Variants in PHF21B observed in about 807,000 individuals in gnomAD.
The protein encoded by PHF21B is PHD finger protein 4.
PHF21B carries 22 observed loss-of-function variants against 62.2 expected under a neutral mutation model. The observed-to-expected ratio is 0.35, with a 90% CI of 0.25 to 0.51. The LOEUF (loss-of-function observed/expected upper bound fraction) is 0.51. Ranked by LOEUF, PHF21B falls within the 20% of genes least tolerant of loss-of-function variation. The pLI is 0.97. For missense variants in PHF21B, 701 were observed against 707.9 expected (o/e 0.99, Z 0.11); for synonymous variants, 341 against 314.7 (o/e 1.08, Z -0.88).
chr22:44,927,279 G>A (rs1012718660), intron 2 of PHF21B, among the ~76,000 whole-genome samples: 45 of 152,016 alleles, frequency 3.0e-4, no homozygotes, highest in African/African-American at 1.1e-3. Context: ...GGCCATGCGT[G>A]TCCCCCCAAA....
chr22:44,956,979 G>T (rs1170136332), intron 2 of PHF21B, among the ~76,000 whole-genome samples: 1 of 152,184 alleles, frequency 6.6e-6, no homozygotes. Context: ...CAGCCGTCAC[G>T]CCTCAGTCCT....
Position 44,952,715 on chromosome 22 carries a change from A to G in PHF21B, c.121-32225T>C, listed in dbSNP as rs765613324. On this transcript the variant is annotated intron_variant, in intron 2 of 12. Transcript: ENST00000313237. Reference sequence around the variant, plus strand: ...GTTTACAGTTGAAAAAGAGAAGAGTATAAGAGTCTGATTCCAAGATTCTAT... The same window carrying G: ...GTTTACAGTTGAAAAAGAGAAGAGTGTAAGAGTCTGATTCCAAGATTCTAT... 1.1e-4 allele frequency among the ~76,000 whole-genome samples: 17 copies of G among 152,356 alleles called. 1 individual carries two copies. The highest frequency in any genetic ancestry group is 9.6e-5 in the African/African-American group (4 of 41,580).
chr22:44,915,785 G>A (rs59370467), intron 4 of PHF21B, among the ~76,000 whole-genome samples: 2,892 of 152,304 alleles, frequency 0.019, 90 homozygotes, highest in African/African-American at 0.065. Flanking sequence ...CCAGGAGCTC[G>A]GAGGGGAGCA....
intron 2 of PHF21B, among the ~76,000 whole-genome samples, chr22:44,986,728 C>T (rs1057451698): frequency 2.6e-5 from 4 of 152,132 alleles, no homozygotes; most frequent in African/African-American, 9.7e-5. Flanking sequence ...CCGGCTTCTA[C>T]ACTGTGCTCG....
intron 2 of PHF21B, among the ~76,000 whole-genome samples, chr22:44,997,570 T>G (rs75633236): frequency 0.021 from 3,156 of 152,302 alleles, 107 homozygotes; most frequent in African/African-American, 0.071. Flanking sequence ...TATTGCTGAT[T>G]GTAGGAAATG....
chr22:44,928,205 C>T (rs956425085), intron 2 of PHF21B, among the ~76,000 whole-genome samples: 1 of 152,170 alleles, frequency 6.6e-6, no homozygotes, highest in African/African-American at 2.4e-5. Flanking sequence ...TCTTCCCACC[C>T]CCGCTTCAGC....
Position 44,899,060 on chromosome 22 carries a change from G to A in PHF21B, c.832-2977C>T, listed in dbSNP as rs145025246. Among the ~76,000 whole-genome samples, 149 of 152,152 alleles carry A rather than the reference G, an allele frequency of 9.8e-4. 1 individual carries two copies. The highest frequency in any genetic ancestry group is 8.5e-3 in the East Asian group (44 of 5,184). Reference sequence around the variant, plus strand: ...GGCTTTAGGGTCTATTTTAATATCCGGGAGGATTAGAATATCCCTTCACTG... The same window carrying A: ...GGCTTTAGGGTCTATTTTAATATCCAGGAGGATTAGAATATCCCTTCACTG... On this transcript the variant is annotated intron_variant, in intron 5 of 12. Coordinates refer to ENST00000313237, the MANE Select transcript of PHF21B (RefSeq NM_138415.5).
At chr22:44,963,456 G>A (rs2147425174) in intron 2 of PHF21B, among the ~76,000 whole-genome samples, 1 of 152,324 alleles carries the variant, frequency 6.6e-6, no homozygotes, top group Non-Finnish European at 1.5e-5. Context: ...CTTCTATCAA[G>A]CAGGGTCTGA....
Position 44,962,800 on chromosome 22 carries a change from G to A in PHF21B, c.121-42310C>T, listed in dbSNP as rs114141828. On this transcript the variant is annotated intron_variant, in intron 2 of 12. Coordinates refer to ENST00000313237, the MANE Select transcript of PHF21B (RefSeq NM_138415.5). Reference sequence around the variant, plus strand: ...ACGGAACGGTGGGGGATGGAGGCTGGGGCAGGGTGGGGGCGTGCTTTACTT... The same window carrying A: ...ACGGAACGGTGGGGGATGGAGGCTGAGGCAGGGTGGGGGCGTGCTTTACTT... Among the ~76,000 whole-genome samples the A allele has an allele frequency of 2.6e-3, 400 of 152,198 alleles. 4 individuals are homozygous for A. The highest frequency in any genetic ancestry group is 9.1e-3 in the African/African-American group (379 of 41,524).
At chr22:44,957,062 T>G (rs1440428303) in intron 2 of PHF21B, among the ~76,000 whole-genome samples, 1 of 151,894 alleles carries the variant, frequency 6.6e-6, no homozygotes, top group Non-Finnish European at 1.5e-5. Context: ...CACACGGCAG[T>G]CCAATGGCCA....
At chr22:44,915,609 A>G (rs1340709276) in intron 4 of PHF21B, among the ~76,000 whole-genome samples, 2 of 152,220 alleles carry the variant, frequency 1.3e-5, no homozygotes, top group African/African-American at 2.4e-5. Context: ...ACCAGCTCAC[A>G]TGAGGGTCGG....
chr22:44,988,231 G>A (rs553602777), intron 2 of PHF21B, among the ~76,000 whole-genome samples: 1 of 152,370 alleles, frequency 6.6e-6, no homozygotes, highest in South Asian at 2.1e-4. Flanking sequence ...TTGGGAGGCT[G>A]AGGCAGGAGG....
chr22:44,984,388 TACCCAG>T (rs2072911170), intron 2 of PHF21B, among the ~76,000 whole-genome samples: 2 of 152,126 alleles, frequency 1.3e-5, no homozygotes, highest in Non-Finnish European at 2.9e-5. Flanking sequence ...AGGTTAACCT[TACCCAG>T]AGCCTTGGTT....
At chr22:44,941,069 G>A (rs929594014) in intron 2 of PHF21B, among the ~76,000 whole-genome samples, 3 of 152,154 alleles carry the variant, frequency 2.0e-5, no homozygotes, top group Non-Finnish European at 2.9e-5. Flanking sequence ...ACCCCGCAGC[G>A]CCATGCAGTC....
intron 12 of PHF21B, 122 bp from the exon 13 acceptor site, chr22:44,883,426 G>T: frequency 1.1e-6 from 1 of 902,060 alleles, no homozygotes; most frequent in Non-Finnish European, 1.6e-6. Context: ...CAGGCTGAGG[G>T]CTTCACAAAA....
At chr22:44,936,798 C>T (rs540119754) in intron 2 of PHF21B, among the ~76,000 whole-genome samples, 134 of 151,164 alleles carry the variant, frequency 8.9e-4, no homozygotes, top group African/African-American at 2.9e-3. Context: ...TCTCACTGCG[C>T]TTTTATTAGA....
At chr22:44,947,747 G>A (rs1178391173) in intron 2 of PHF21B, among the ~76,000 whole-genome samples, 2 of 152,240 alleles carry the variant, frequency 1.3e-5, no homozygotes, top group African/African-American at 4.8e-5. Flanking sequence ...TCCAAGCACA[G>A]GGCTGATGAC....
At chr22:44,990,455 G>A (rs1241628080) in intron 2 of PHF21B, among the ~76,000 whole-genome samples, 1 of 152,216 alleles carries the variant, frequency 6.6e-6, no homozygotes, top group Non-Finnish European at 1.5e-5. Flanking sequence ...CGGAGTACGT[G>A]CAAGCAGTGG....
At chr22:44,986,617 GTT>G (rs371507877) in intron 2 of PHF21B, among the ~76,000 whole-genome samples, 27 of 151,658 alleles carry the variant, frequency 1.8e-4, no homozygotes, top group African/African-American at 5.6e-4. Context: ...ATGGTCTGCA[GTT>G]TTGAGTCAGG....
Sources: gnomAD v4.1 joint callset for allele counts (sites outside exome capture counted in the v4.1 genomes callset) on GRCh38, gnomAD v4.1.1 for gene constraint, MANE v1.5 for transcripts, NCBI Gene and HGNC (gene_info 2026-07-23, HGNC 2026-07-21) for gene names.